Variants in VWA8 observed in about 807,000 individuals in gnomAD.
VWA8 encodes the protein von Willebrand factor A domain containing 8.
VWA8 carries 221 observed loss-of-function variants against 241.5 expected under a neutral mutation model. The observed-to-expected ratio is 0.91, with a 90% confidence interval of 0.82 to 1.02. The LOEUF (loss-of-function observed/expected upper bound fraction) is 1.02, where lower values mean the gene tolerates loss of function less well. Among genes scored for constraint, VWA8 ranks in the 50% least tolerant of loss-of-function variants. VWA8 has a pLI of 0.00. For missense variants in VWA8, 2,322 were observed against 2,328.7 expected, an observed-to-expected ratio of 1.00 and a Z score of 0.06; for synonymous variants, 852 against 827.1, an observed-to-expected ratio of 1.03 and a Z score of -0.52.
At chr13:41,724,420 G>C (rs2045416202) in intron 24 of VWA8, among the ~76,000 whole-genome samples, 1 of 152,078 alleles carries the variant, frequency 6.6e-6, no homozygotes, top group South Asian at 2.1e-4. Context: ...ATTGCAGATG[G>C]GAATAATGTA....
intron 36 of VWA8, among the ~76,000 whole-genome samples, chr13:41,673,216 A>C (rs1479024140): frequency 6.6e-6 from 1 of 152,222 alleles, no homozygotes; most frequent in African/African-American, 2.4e-5. Flanking sequence ...AATGCAGATA[A>C]TATAAAACTT....
chr13:41,616,736 G>A (rs2044622756), intron 37 of VWA8, among the ~76,000 whole-genome samples: 1 of 152,144 alleles, frequency 6.6e-6, no homozygotes, highest in Admixed American at 6.5e-5. Flanking sequence ...TATGGCTTGT[G>A]CGACTGAGGA....
chr13:41,827,427 A>G (rs1871226022), intron 14 of VWA8, among the ~76,000 whole-genome samples: 1 of 152,222 alleles, frequency 6.6e-6, no homozygotes, highest in African/African-American at 2.4e-5. Flanking sequence ...AGTGACATAG[A>G]AGTAAATACC....
chr13:41,573,164 C>T (rs2044321663), intron 43 of VWA8, among the ~76,000 whole-genome samples: 1 of 150,438 alleles, frequency 6.6e-6, no homozygotes, highest in South Asian at 2.1e-4. Flanking sequence ...GCCTGTAGAC[C>T]CAGCACTTTG....
At chr13:41,680,132 C>T (rs2045088638) in intron 35 of VWA8, among the ~76,000 whole-genome samples, 1 of 151,952 alleles carries the variant, frequency 6.6e-6, no homozygotes, top group Non-Finnish European at 1.5e-5. Context: ...CACAGCTTTG[C>T]TATGTCTTAT....
At chr13:41,689,686 C>T (rs930260319) in intron 33 of VWA8, among the ~76,000 whole-genome samples, 178 bp from the exon 34 acceptor site, 2 of 152,048 alleles carry the variant, frequency 1.3e-5, no homozygotes, top group African/African-American at 4.8e-5. Context: ...ATCAAGGCAT[C>T]TTCCCAAAGT....
chr13:41,873,672 T>A (rs1210404800), intron 9 of VWA8, among the ~76,000 whole-genome samples: 1 of 152,152 alleles, frequency 6.6e-6, no homozygotes, highest in East Asian at 1.9e-4. Flanking sequence ...TAACAGGAGC[T>A]GAAATTGTGG....
intron 24 of VWA8, among the ~76,000 whole-genome samples, chr13:41,725,874 G>C (rs1354496438): frequency 6.6e-6 from 1 of 152,136 alleles, no homozygotes; most frequent in Non-Finnish European, 1.5e-5. Flanking sequence ...TGAATTGTTA[G>C]TAACTTTTAA....
intron 36 of VWA8, among the ~76,000 whole-genome samples, chr13:41,673,198 A>G (rs1201338791): frequency 6.6e-6 from 1 of 152,224 alleles, no homozygotes; most frequent in African/African-American, 2.4e-5. Flanking sequence ...TGGCAGTACT[A>G]CTTTACAAAT....
chr13:41,783,530 C>T (rs570781896), intron 19 of VWA8, among the ~76,000 whole-genome samples: 8 of 151,236 alleles, frequency 5.3e-5, no homozygotes, highest in East Asian at 2.0e-4. Context: ...CTCAGCTACT[C>T]GGGAGGCTGA....
At chr13:41,628,608 A>T (rs988770428) in intron 37 of VWA8, among the ~76,000 whole-genome samples, 5 of 152,338 alleles carry the variant, frequency 3.3e-5, no homozygotes, top group South Asian at 4.1e-4. Flanking sequence ...CATAAAAAAA[A>T]TAAAATCATG....
chr13:41,628,309 C>T (rs2044706004), intron 37 of VWA8, among the ~76,000 whole-genome samples: 1 of 152,176 alleles, frequency 6.6e-6, no homozygotes. Context: ...TTGGAGATTT[C>T]TCAAAGATCT....
In VWA8 at chr13:41,734,208, C is replaced by T. The variant is rs565969298; in HGVS notation, c.2427-2053G>A. 3.3e-5 allele frequency among the ~76,000 whole-genome samples: 5 copies of T among 152,110 alleles called. No individual in the cohort carries two copies. In the South Asian group the frequency reaches 6.2e-4, roughly 19 times the overall value. ...CAAAAATTAGCCAGGAGTGGTGGCA[C>T]GTGCCTGTAATCCCAGCTACTCAGG... On this transcript the variant is annotated intron_variant, in intron 21 of 44. Transcript: ENST00000379310.
chr13:41,784,018 C>T, intron 18 of VWA8, 117 bp from the exon 19 acceptor site: 1 of 703,730 alleles, frequency 1.4e-6, no homozygotes, highest in Non-Finnish European at 2.4e-6. Flanking sequence ...AATTTAACAT[C>T]TAAAGAAATA....
chr13:41,881,449 C>T (rs983007131), intron 9 of VWA8, among the ~76,000 whole-genome samples: 2 of 121,958 alleles, frequency 1.6e-5, no homozygotes, highest in Non-Finnish European at 3.3e-5. Context: ...AATGAAAAGT[C>T]TCCCATGTCT....
intron 13 of VWA8, 142 bp downstream of exon 13, chr13:41,833,229 T>G (rs1871547830): frequency 9.9e-7 from 1 of 1,014,292 alleles, no homozygotes; most frequent in Admixed American, 3.8e-5. Flanking sequence ...AAAGTGCCAT[T>G]CTACTTGGTA....
intron 37 of VWA8, among the ~76,000 whole-genome samples, chr13:41,627,025 C>T (rs2044696387): frequency 6.6e-6 from 1 of 151,904 alleles, no homozygotes; most frequent in South Asian, 2.1e-4. Context: ...ATGCATCCAA[C>T]AAAGATCTAA....
intron 21 of VWA8, among the ~76,000 whole-genome samples, chr13:41,749,232 C>G (rs1284923338): frequency 1.3e-5 from 2 of 152,174 alleles, no homozygotes; most frequent in African/African-American, 4.8e-5. Flanking sequence ...GACATTTATG[C>G]AGCCAAAAGA....
At chr13:41,940,920 G>T (rs907715226) in intron 2 of VWA8, among the ~76,000 whole-genome samples, 13 of 152,154 alleles carry the variant, frequency 8.5e-5, no homozygotes, top group Non-Finnish European at 4.4e-5. Context: ...AGCAAGAAAA[G>T]AAAATGCAAA....
Sources: gnomAD v4.1 joint callset for allele counts (sites outside exome capture counted in the v4.1 genomes callset) on GRCh38, gnomAD v4.1.1 for gene constraint, MANE v1.5 for transcripts, NCBI Gene and HGNC (gene_info 2026-07-23, HGNC 2026-07-21) for gene names.